The following DGKD variants were observed in gnomAD, a reference collection of about 807,000 sequenced individuals.
DGKD encodes DAG kinase delta.
DGKD carries 68 observed loss-of-function variants against 154.4 expected under a neutral mutation model. The ratio of observed to expected loss-of-function variants is 0.44; its 90% confidence interval spans 0.36 to 0.54. DGKD has a LOEUF of 0.54. Among genes scored for constraint, DGKD ranks in the 20% least tolerant of loss-of-function variants. DGKD has a pLI of 0.00. For missense variants in DGKD, 1,343 were observed against 1,593.6 expected (o/e 0.84, Z 2.68); for synonymous variants, 693 against 638.0 (o/e 1.09, Z -1.30).
intron 3 of DGKD, among the ~76,000 whole-genome samples, chr2:233,398,919 C>T (rs1344876232): frequency 6.6e-6 from 1 of 152,192 alleles, no homozygotes; most frequent in East Asian, 1.9e-4. Flanking sequence ...CCACCATGCC[C>T]AGTTTTATCA....
intron 1 of DGKD, among the ~76,000 whole-genome samples, chr2:233,372,263 C>T (rs1027353335): frequency 5.3e-5 from 8 of 152,174 alleles, no homozygotes; most frequent in African/African-American, 7.2e-5. Flanking sequence ...TCAAGCAATC[C>T]GCCCGCCTCA....
intron 17 of DGKD, among the ~76,000 whole-genome samples, 183 bp downstream of exon 17, chr2:233,451,233 C>CA (rs2063282440): frequency 7.0e-6 from 1 of 142,792 alleles, no homozygotes; most frequent in East Asian, 2.0e-4. Flanking sequence ...AAACAAAAAA[C>CA]AAAAAACAAA....
In DGKD at chr2:233,454,910, G is replaced by T. The variant is rs183565874; in HGVS notation, c.2375+37G>T. ...GCTCAGGAGCACGTCTGTCTTTTGC[G>T]TCTTTGTGGCTTCTCCTTCCAGACA... On this transcript the variant is annotated intron_variant, in intron 19 of 29. Coordinates refer to ENST00000264057, the MANE Select transcript of DGKD (RefSeq NM_152879.3). The T allele has an allele frequency of 2.7e-4, 362 of 1,339,122 alleles. No homozygotes were observed. The African/African-American group carries it at 4.2e-3, about 16-fold the overall frequency. 83.0% of individuals were successfully genotyped at this position (1,339,122 alleles called of 1,614,324 possible).
chr2:233,421,882 A>C (rs891562289), intron 3 of DGKD, among the ~76,000 whole-genome samples: 1 of 152,266 alleles, frequency 6.6e-6, no homozygotes, highest in Non-Finnish European at 1.5e-5. Context: ...AGACTGCCTG[A>C]ATTTATTTCT....
Position 233,445,556 on chromosome 2 carries a change from C to T in DGKD, c.1195-67C>T. On this transcript the variant is annotated intron_variant, in intron 10 of 29. Transcript: ENST00000264057. This position sits in a 1 kb window ranked among gnomAD's most constrained non-coding sequence, Gnocchi z 5.5. ...CCCTCACGGTGGGGGACAAGGAGGG[C>T]TGCGGGCTGGGAAGTGGCCCCTGCC... 1 of 1,520,992 alleles carries T rather than the reference C, an allele frequency of 6.6e-7. No homozygotes were observed. The allele number at this position is 1,520,992 out of a possible 1,614,324, so 94.2% of individuals were successfully genotyped here. A position where few individuals can be genotyped will look rare whatever the true frequency, so the allele number is the denominator to read the frequency against.
At chr2:233,461,628 C>T (rs1304796890) in intron 24 of DGKD, among the ~76,000 whole-genome samples, 1 of 152,250 alleles carries the variant, frequency 6.6e-6, no homozygotes, top group African/African-American at 2.4e-5. Context: ...CTGGTGGCCT[C>T]CCCTGGAAAG....
chr2:233,410,239 A>AT (rs2061794200), intron 3 of DGKD, among the ~76,000 whole-genome samples: 5 of 151,370 alleles, frequency 3.3e-5, no homozygotes, highest in Admixed American at 2.0e-4. Flanking sequence ...CCATTCTTTG[A>AT]TTTTTTTTCT....
intron 11 of DGKD, among the ~76,000 whole-genome samples, chr2:233,446,162 C>T (rs1050212704): frequency 1.3e-5 from 2 of 152,272 alleles, no homozygotes; most frequent in Non-Finnish European, 2.9e-5. Context: ...AAATTATCCT[C>T]TAGTGCCTAA....
At chr2:233,420,304 C>G (rs914997605) in intron 3 of DGKD, among the ~76,000 whole-genome samples, 1 of 151,964 alleles carries the variant, frequency 6.6e-6, no homozygotes, top group Non-Finnish European at 1.5e-5. Context: ...TTGTGTGTGT[C>G]TCTAGTTCTG....
Position 233,451,949 on chromosome 2 carries a change from G to T in DGKD, c.2168-15G>T. ...TCCTGACCAGCACCACCTCTTTCTTGTATCTCCTTTACAGATGTCCGGGCT... is the reference window on the plus strand; with the variant it reads ...TCCTGACCAGCACCACCTCTTTCTTTTATCTCCTTTACAGATGTCCGGGCT... On this transcript the variant is annotated splice_polypyrimidine_tract_variant and intron_variant, in intron 17 of 29. Transcript: ENST00000264057. 1 of 1,613,158 alleles carries T rather than the reference G, an allele frequency of 6.2e-7. No individual in the cohort carries two copies. The highest frequency in any genetic ancestry group is 8.5e-7 in the Non-Finnish European group (1 of 1,179,250).
Position 233,445,894 on chromosome 2 carries a change from T to G in DGKD, c.1334+132T>G. Reference sequence around the variant, plus strand: ...ATTATTTGTAAAGATTTGACCTGAGTATATATTCGGATAGTCTTTGATATT... The same window carrying G: ...ATTATTTGTAAAGATTTGACCTGAGGATATATTCGGATAGTCTTTGATATT... On this transcript the variant is annotated intron_variant, in intron 11 of 29. Coordinates refer to ENST00000264057, the MANE Select transcript of DGKD (RefSeq NM_152879.3). This position sits in a 1 kb window ranked among gnomAD's most constrained non-coding sequence, Gnocchi z 5.5. 20 of 1,102,152 alleles carry G rather than the reference T, an allele frequency of 1.8e-5. No homozygotes were observed. Among genetic ancestry groups the G allele is most frequent in the Non-Finnish European group, 2.1e-5 (17 of 802,864 alleles). 68.3% of individuals were successfully genotyped at this position (1,102,152 alleles called of 1,614,324 possible).
chr2:233,356,874 G>A (rs1219427717), intron 1 of DGKD, among the ~76,000 whole-genome samples: 1 of 151,840 alleles, frequency 6.6e-6, no homozygotes, highest in East Asian at 1.9e-4. Context: ...GGTATCTATG[G>A]TACATAATAG....
intron 25 of DGKD, 68 bp downstream of exon 25, chr2:233,462,527 G>A (rs945568799): frequency 3.4e-5 from 52 of 1,533,578 alleles, no homozygotes; most frequent in East Asian, 3.2e-4. Context: ...CTCCCCGTGC[G>A]TGTTCATTCC....
intron 7 of DGKD, among the ~76,000 whole-genome samples, chr2:233,436,660 G>A (rs2125595376): frequency 6.6e-6 from 1 of 152,378 alleles, no homozygotes; most frequent in Non-Finnish European, 1.5e-5. Flanking sequence ...TTAGACATAT[G>A]CAGATGTGTA....
intron 1 of DGKD, among the ~76,000 whole-genome samples, chr2:233,382,544 C>T (rs930817996): frequency 1.3e-5 from 2 of 152,086 alleles, no homozygotes; most frequent in African/African-American, 4.8e-5. Context: ...TGCCTGCAGC[C>T]CCTCTGTCCA....
chr2:233,449,297 C>A lies in DGKD; in HGVS notation c.1809C>A (p.Phe603Leu). The A allele has an allele frequency of 6.2e-7, 1 of 1,613,340 alleles. No individual in the cohort carries two copies. The highest frequency in any genetic ancestry group is 8.5e-7 in the Non-Finnish European group (1 of 1,179,510). ...ASACPARPQI[F>L]RPREQLMLRA... The stretch of plus-strand genomic sequence containing the variant: ...CTTGCCCGGCCCGGCCGCAGATATT[C>A]CGGCCTCGAGAACAGCTCATGCTGA... Residue 603 changes from phenylalanine to leucine, a missense_variant, in exon 15 of 30, where the codon TTC becomes TTA. By Grantham distance (22) the Phe-to-Leu change is conservative. Coordinates refer to ENST00000264057, the MANE Select transcript of DGKD (RefSeq NM_152879.3). The surrounding 1 kb of genome is among the most constrained non-coding windows in gnomAD (Gnocchi z 5.3).
At chr2:233,407,399 T>G (rs2061712459) in intron 3 of DGKD, among the ~76,000 whole-genome samples, 1 of 152,214 alleles carries the variant, frequency 6.6e-6, no homozygotes, top group African/African-American at 2.4e-5. Flanking sequence ...CAAGTATAAT[T>G]TAACATATAA....
chr2:233,425,482 C>T (rs756496606), intron 3 of DGKD, among the ~76,000 whole-genome samples: 7 of 152,164 alleles, frequency 4.6e-5, no homozygotes, highest in African/African-American at 1.2e-4. Flanking sequence ...CCACTGTGCC[C>T]GGCCGACTTT....
intron 3 of DGKD, among the ~76,000 whole-genome samples, chr2:233,399,205 A>G (rs1038650523): frequency 6.6e-6 from 1 of 152,174 alleles, no homozygotes; most frequent in Admixed American, 6.5e-5. Context: ...TTATTTATTT[A>G]TAATATATGC....
Sources: allele counts gnomAD v4.1 joint callset (sites outside exome capture counted in the v4.1 genomes callset), GRCh38; gene constraint gnomAD v4.1.1; non-coding constraint Gnocchi (gnomAD v3.1); transcripts MANE v1.5; gene names NCBI Gene and HGNC (gene_info 2026-07-23, HGNC 2026-07-21).